COG5: variants seen among roughly 807,000 people sequenced by gnomAD.
COG5 encodes conserved oligomeric Golgi complex subunit 5.
COG5 carries 86 observed loss-of-function variants against 110.4 expected under a neutral mutation model. That is an observed-to-expected ratio of 0.78 (90% CI 0.65 to 0.93). The LOEUF (loss-of-function observed/expected upper bound fraction) is 0.93, where lower values mean the gene tolerates loss of function less well. COG5 is among the 40% of genes least tolerant of loss of function. The pLI is 0.00. For synonymous variants in COG5, 360 were observed against 334.6 expected, an observed-to-expected ratio of 1.08 and a Z score of -0.83; for missense variants, 1,077 against 987.0, an observed-to-expected ratio of 1.09 and a Z score of -1.22.
At chr7:107,395,579 A>T (rs2129058409) in intron 7 of COG5, among the ~76,000 whole-genome samples, 1 of 83,888 alleles carries the variant, frequency 1.2e-5, no homozygotes, top group Admixed American at 1.7e-4. Flanking sequence ...TTTGAGAAGG[A>T]ATTTTACTCT....
At chr7:107,512,453 T>C (rs1411831537) in intron 6 of COG5, among the ~76,000 whole-genome samples, 1 of 152,058 alleles carries the variant, frequency 6.6e-6, no homozygotes, top group Non-Finnish European at 1.5e-5. Context: ...ATCAATATCG[T>C]GAAAATGGCC....
intron 10 of COG5, among the ~76,000 whole-genome samples, chr7:107,349,205 T>G (rs1811908270): frequency 6.6e-6 from 1 of 152,236 alleles, no homozygotes; most frequent in South Asian, 2.1e-4. Context: ...CCCTAATAGC[T>G]TTTGTAGGTT....
chr7:107,542,069 C>A (rs1037914300), intron 5 of COG5, among the ~76,000 whole-genome samples: 1 of 151,940 alleles, frequency 6.6e-6, no homozygotes, highest in Admixed American at 6.6e-5. Context: ...CAAAACAATA[C>A]GTGCTTTTGA....
chr7:107,239,680 G>A (rs1225749222), intron 17 of COG5, among the ~76,000 whole-genome samples: 2 of 152,088 alleles, frequency 1.3e-5, no homozygotes, highest in East Asian at 3.9e-4. Context: ...TAAACAAAAT[G>A]CATTTTGTTT....
intron 6 of COG5, among the ~76,000 whole-genome samples, chr7:107,476,841 A>G (rs768268353): frequency 4.0e-5 from 6 of 151,714 alleles, no homozygotes; most frequent in Non-Finnish European, 8.9e-5. Context: ...ACTTTTATAT[A>G]AATAAATGAG....
intron 19 of COG5, among the ~76,000 whole-genome samples, chr7:107,213,689 A>G (rs923957776): frequency 2.6e-5 from 4 of 152,190 alleles, no homozygotes; most frequent in African/African-American, 9.7e-5. Flanking sequence ...AACTAGAGAA[A>G]CTGACAGCAA....
At chr7:107,319,666 T>G (rs555120185) in intron 11 of COG5, among the ~76,000 whole-genome samples, 3 of 152,220 alleles carry the variant, frequency 2.0e-5, no homozygotes, top group African/African-American at 7.2e-5. Flanking sequence ...TACCTTTCCA[T>G]GTAGGGAAGT....
intron 10 of COG5, among the ~76,000 whole-genome samples, chr7:107,349,847 A>G (rs1811981301): frequency 6.6e-6 from 1 of 151,864 alleles, no homozygotes; most frequent in Non-Finnish European, 1.5e-5. Flanking sequence ...CGTGAGCCAC[A>G]GCGCCCAGTC....
intron 19 of COG5, among the ~76,000 whole-genome samples, chr7:107,227,760 G>A (rs565966825): frequency 6.9e-4 from 105 of 152,196 alleles, no homozygotes; most frequent in South Asian, 2.1e-3. Flanking sequence ...CAAGGCTGCA[G>A]TGCAGTGGCA....
chr7:107,295,016 CAT>C (rs201447896), intron 12 of COG5, among the ~76,000 whole-genome samples: 17,298 of 113,272 alleles, frequency 0.15, 1,803 homozygotes, highest in Non-Finnish European at 0.2. Flanking sequence ...TATATACACA[CAT>C]ATATATATAC....
At position 107,211,145 on chromosome 7, in the gene COG5, T is replaced by C. The variant is rs1799134398; in HGVS notation, c.2249A>G (p.Gln750Arg). The C allele has an allele frequency of 6.2e-7, 1 of 1,614,050 alleles. No individual in the cohort carries two copies. The highest frequency in any genetic ancestry group is 8.5e-7 in the Non-Finnish European group (1 of 1,179,960). The change falls in exon 20 of 22, where the codon CAG becomes CGG. Residue 750 changes from glutamine (Q) to arginine (R), a missense_variant. Physicochemically the swap from Gln to Arg is conservative, Grantham distance 43. Transcript: ENST00000297135. ...GDVIPFSIII[Q>R]FLFTRAPAEL... The stretch of plus-strand genomic sequence containing the variant: ...AGCGGGTGCTCTCGTGAACAAAAAC[T>C]GAATAATGATGCTGAACGGAATCAC...
intron 5 of COG5, among the ~76,000 whole-genome samples, chr7:107,535,654 T>C (rs887735672): frequency 2.0e-5 from 3 of 152,106 alleles, no homozygotes; most frequent in Non-Finnish European, 4.4e-5. Context: ...AGTTCTGAAA[T>C]TGAAGCACTA....
chr7:107,312,530 A>T lies in COG5; in HGVS notation c.1108+11910T>A, dbSNP rs547440864. Among the ~76,000 whole-genome samples, 7 of 152,222 alleles carry T rather than the reference A, an allele frequency of 4.6e-5. No individual in the cohort carries two copies. In the South Asian group the frequency reaches 1.5e-3, roughly 32 times the overall value. On this transcript the variant is annotated intron_variant, in intron 11 of 21. Transcript: ENST00000297135. ...AGGCGTCAGGGAACACTTCATTTCT[A>T]CTCTGAGACTGAAAAGACAAGTATG...
intron 19 of COG5, among the ~76,000 whole-genome samples, chr7:107,212,550 C>T (rs984712185): frequency 1.3e-5 from 2 of 152,214 alleles, no homozygotes; most frequent in Non-Finnish European, 2.9e-5. Context: ...TTGTCTTCAT[C>T]TAGGTAAAAG....
intron 10 of COG5, among the ~76,000 whole-genome samples, chr7:107,336,275 G>A (rs985581022): frequency 3.9e-5 from 6 of 152,142 alleles, no homozygotes; most frequent in Non-Finnish European, 8.8e-5. Context: ...TATGAAAAGT[G>A]AAATACACCA....
rs1194539344 is a variant in COG5, at chr7:107,554,307, T to C, written c.270A>G (p.Ala90=). 2 of 1,614,060 alleles carry C rather than the reference T, an allele frequency of 1.2e-6. No individual in the cohort carries two copies. Among genetic ancestry groups the C allele is most frequent in the Non-Finnish European group, 1.7e-6 (2 of 1,179,930 alleles). The part of the protein sequence containing the change: ...VARHEDLLAQ[A]TGIESLEGVL... ...TACCTTCCAACGACTCAATCCCAGT[T>C]GCTTGTGCCAGTAAATCTTCATGTC... Residue 90 remains alanine, a synonymous_variant, in exon 3 of 22, where the codon GCA becomes GCG. Transcript: ENST00000297135.
At chr7:107,370,513 C>T (rs894390124) in intron 8 of COG5, among the ~76,000 whole-genome samples, 6 of 151,958 alleles carry the variant, frequency 3.9e-5, no homozygotes, top group East Asian at 3.9e-4. Flanking sequence ...TGGCTGGGCG[C>T]GGTGGCTCAC....
In COG5 at chr7:107,211,208, G is replaced by C. The variant is rs1195920501; in HGVS notation, c.2186C>G (p.Ala729Gly). The C allele has an allele frequency of 6.8e-6, 11 of 1,614,014 alleles. No individual in the cohort carries two copies. In the East Asian group the frequency reaches 1.6e-4, roughly 23 times the overall value. Residue 729 changes from alanine (A) to glycine (G), a missense_variant, in exon 20 of 22, where the codon GCA (alanine) becomes GGA (glycine). Ala to Gly is a moderately conservative substitution (Grantham distance 60). Transcript: ENST00000297135. ...LRSFRPLLFQ[A>G]SEHVASSPAL... ...AGGACTACTGGCTACATGTTCACTT[G>C]CCTGGAAGAGCAGAGGTCTAGACGG... is the stretch of plus-strand genomic sequence containing the variant.
At chr7:107,306,104 T>C (rs990987801) in intron 11 of COG5, among the ~76,000 whole-genome samples, 1 of 152,168 alleles carries the variant, frequency 6.6e-6, no homozygotes, top group African/African-American at 2.4e-5. Flanking sequence ...TGCAAACACC[T>C]ACTTTTCAAA....
Sources: gnomAD v4.1 joint callset for allele counts (sites outside exome capture counted in the v4.1 genomes callset) on GRCh38, gnomAD v4.1.1 for gene constraint, MANE v1.5 for transcripts, NCBI Gene and HGNC (gene_info 2026-07-23, HGNC 2026-07-21) for gene names.